XIAP: variants seen among roughly 807,000 people sequenced by gnomAD.
XIAP encodes the protein E3 ubiquitin-protein ligase XIAP.
A neutral mutation model predicts 33.1 loss-of-function variants in XIAP; 3 were observed. That is an observed-to-expected ratio of 0.09 (90% CI 0.04 to 0.23). XIAP has a LOEUF of 0.23. Ranked by LOEUF, XIAP falls within the 10% of genes least tolerant of loss-of-function variation. The pLI, the probability that XIAP is intolerant of heterozygous loss-of-function variation, is 1.00. For missense variants in XIAP, 264 were observed against 363.0 expected, an observed-to-expected ratio of 0.73 and a Z score of 2.22; for synonymous variants, 98 against 121.3, an observed-to-expected ratio of 0.81 and a Z score of 1.26.
Position 123,911,820 on chromosome X carries a change from G to A in XIAP, c.*4639G>A. The stretch of plus-strand genomic sequence containing the variant: ...AATCATTTTCAGTTTGACTCATACA[G>A]TTAACACAATGTGAATTTCTTCCTC... On this transcript the variant is annotated 3_prime_UTR_variant, in exon 7 of 7. Transcript: ENST00000371199. 1 of 329,610 alleles carries A rather than the reference G, an allele frequency of 3.0e-6. No individual in the cohort carries two copies. Among genetic ancestry groups the A allele is most frequent in the Non-Finnish European group, 5.9e-6 (1 of 170,053 alleles). 27.2% of individuals were successfully genotyped at this position (329,610 alleles called of 1,213,427 possible). A position where few individuals can be genotyped will look rare whatever the true frequency, so the allele number is the denominator to read the frequency against.
rs1292127115 is a variant in XIAP at position 123,886,408 on chromosome X, A to G, written c.746A>G (p.Asn249Ser). 38 of 1,210,155 alleles carry G rather than the reference A, an allele frequency of 3.1e-5. No homozygotes were observed. The highest frequency in any genetic ancestry group is 4.0e-5 in the Non-Finnish European group (36 of 895,429). The part of the protein sequence containing the change: ...SESDAVSSDR[N>S]FPNSTNLPRN... Reference sequence around the variant, plus strand: ...TCTGATGCTGTGAGTTCTGATAGGAATTTCCCAAATTCAACAAATCTTCCA... The same window carrying G: ...TCTGATGCTGTGAGTTCTGATAGGAGTTTCCCAAATTCAACAAATCTTCCA... Residue 249 changes from asparagine (N) to serine (S), a missense_variant, in exon 2 of 7, where the codon AAT (asparagine) becomes AGT (serine). Physicochemically the swap from Asn to Ser is conservative, Grantham distance 46 (BLOSUM62 1). Transcript: ENST00000371199.
In XIAP at chrX:123,901,773, C is replaced by T. The variant is rs147883205; in HGVS notation, c.1300+1080C>T. On this transcript the variant is annotated intron_variant, in intron 6 of 6. Transcript: ENST00000371199. ...TGCATTTATTTAAAACTTACACAAG[C>T]TCCACTTATCTTGGTGGTGGTAAAA... Among the ~76,000 whole-genome samples, 260 of 111,184 alleles carry T rather than the reference C, an allele frequency of 2.3e-3. 2 individuals are homozygous for T. The highest frequency in any genetic ancestry group is 8.1e-3 in the African/African-American group (248 of 30,675).
chrX:123,885,192 ATTT>A (rs2053340849), intron 1 of XIAP, among the ~76,000 whole-genome samples: 1 of 111,913 alleles, frequency 8.9e-6, no homozygotes, highest in Non-Finnish European at 1.9e-5. Flanking sequence ...CATTCTGAAC[ATTT>A]TTTAACTTGT....
Position 123,911,627 on chromosome X carries a change from A to G in XIAP, c.*4446A>G, listed in dbSNP as rs1351217844. ...CATGAATTTGAGGCAGCAGTGAGCT[A>G]TGATTGTGCCACTGTACTCCAGTCT... On this transcript the variant is annotated 3_prime_UTR_variant, in exon 7 of 7. Transcript: ENST00000371199. The G allele has an allele frequency of 6.2e-6, 2 of 323,504 alleles. No homozygotes were observed. Among genetic ancestry groups the G allele is most frequent in the Non-Finnish European group, 1.2e-5 (2 of 167,633 alleles). 26.7% of individuals were successfully genotyped at this position (323,504 alleles called of 1,213,427 possible).
chrX:123,904,584 CT>C (rs2053543721), intron 6 of XIAP, among the ~76,000 whole-genome samples: 1 of 109,278 alleles, frequency 9.2e-6, no homozygotes, highest in South Asian at 4.2e-4. Context: ...TTCTTATCTA[CT>C]CCTGGTGCTG....
intron 1 of XIAP, among the ~76,000 whole-genome samples, chrX:123,862,040 AAAG>A (rs1472644306): frequency 3.6e-5 from 4 of 111,781 alleles, no homozygotes; most frequent in Non-Finnish European, 5.6e-5. Flanking sequence ...CGAACAATTC[AAAG>A]AAGATTAGCA....
At chrX:123,897,295 G>A (rs1483574128) in intron 5 of XIAP, among the ~76,000 whole-genome samples, 1 of 111,774 alleles carries the variant, frequency 8.9e-6, no homozygotes, top group Non-Finnish European at 1.9e-5. Context: ...TGCTTTTAAT[G>A]TCATATTTAA....
At chrX:123,867,671 CTT>C (rs747177182) in intron 1 of XIAP, among the ~76,000 whole-genome samples, 23 of 66,912 alleles carry the variant, frequency 3.4e-4, no homozygotes, top group African/African-American at 1.5e-3. Context: ...CGTACCTGGC[CTT>C]TTTTTTTTTT....
At chrX:123,892,460 A>G (rs1392948656) in intron 4 of XIAP, among the ~76,000 whole-genome samples, 3 of 111,439 alleles carry the variant, frequency 2.7e-5, no homozygotes, top group African/African-American at 9.8e-5. Flanking sequence ...CTGGACTAAA[A>G]TGGGAGACTA....
chrX:123,894,433 C>T (rs758385449), intron 5 of XIAP, among the ~76,000 whole-genome samples: 1 of 112,231 alleles, frequency 8.9e-6, no homozygotes, highest in Admixed American at 9.5e-5. Context: ...TCTAGTGATT[C>T]CCCACTTCCT....
At chrX:123,873,506 C>T (rs1005966614) in intron 1 of XIAP, among the ~76,000 whole-genome samples, 3 of 107,918 alleles carry the variant, frequency 2.8e-5, no homozygotes, top group African/African-American at 6.7e-5. Flanking sequence ...ACCTGATGAT[C>T]GCCAGGCACG....
intron 5 of XIAP, among the ~76,000 whole-genome samples, chrX:123,898,932 A>G (rs1264011560): frequency 9.7e-6 from 1 of 103,434 alleles, no homozygotes; most frequent in Non-Finnish European, 2.0e-5. Context: ...CAGCCTGGCC[A>G]ATATAGTGAA....
At chrX:123,900,410 A>T in intron 5 of XIAP, 83 bp from the exon 6 acceptor site, 2 of 850,132 alleles carry the variant, frequency 2.4e-6, no homozygotes, top group South Asian at 2.3e-5. Flanking sequence ...TTTTCATTTT[A>T]ACTATATTTT....
At chrX:123,899,010 A>G (rs2053485428) in intron 5 of XIAP, among the ~76,000 whole-genome samples, 1 of 98,344 alleles carries the variant, frequency 1.0e-5, no homozygotes, top group Non-Finnish European at 2.0e-5. Flanking sequence ...AATCCCAGCT[A>G]CTCGAGAGGC....
In XIAP at chrX:123,860,233, G is replaced by C. The variant is rs1008712712; in HGVS notation, c.-93G>C. ...GGGGCTCGGGCCGCGCCTCCTCCGG[G>C]ACCCTCCCCTTGGACCGAGCCGATC... On this transcript the variant is annotated 5_prime_UTR_variant, in exon 1 of 7. Coordinates refer to ENST00000371199, the MANE Select transcript of XIAP (RefSeq NM_001167.4). The C allele has an allele frequency of 4.9e-5, 16 of 328,787 alleles. No individual in the cohort carries two copies. Among genetic ancestry groups the C allele is most frequent in the African/African-American group, 4.2e-4 (16 of 38,038 alleles). The allele number at this position is 328,787 out of a possible 1,213,427, so 27.1% of individuals were successfully genotyped here.
At chrX:123,902,891 C>G (rs1450718184) in intron 6 of XIAP, among the ~76,000 whole-genome samples, 1 of 111,125 alleles carries the variant, frequency 9.0e-6, no homozygotes, top group Admixed American at 9.7e-5. Context: ...AGTTATCTAG[C>G]CTTTATTGCT....
rs2053564050 is a variant in XIAP at position 123,907,489 on chromosome X, G to A, written c.*308G>A. On this transcript the variant is annotated 3_prime_UTR_variant, in exon 7 of 7. Coordinates refer to ENST00000371199, the MANE Select transcript of XIAP (RefSeq NM_001167.4). ...ATACTGATTTAATTTCTAAGTGTAA[G>A]TGAATTAATCATCTGGATTTTTTAT... The A allele has an allele frequency of 5.1e-6, 2 of 392,438 alleles. No homozygotes were observed. The highest frequency in any genetic ancestry group is 5.8e-5 in the South Asian group (2 of 34,343). 32.3% of individuals were successfully genotyped at this position (392,438 alleles called of 1,213,427 possible).
intron 1 of XIAP, among the ~76,000 whole-genome samples, chrX:123,862,015 A>G (rs1490731780): frequency 2.7e-5 from 3 of 112,392 alleles, no homozygotes; most frequent in Non-Finnish European, 5.6e-5. Flanking sequence ...CAGTGGTAGC[A>G]CATATACTAA....
In XIAP at chrX:123,886,472, T is replaced by C; in HGVS notation, c.810T>C (p.Phe270=). The change falls in exon 2 of 7, where the codon TTT becomes TTC. Residue 270 remains phenylalanine (F), a synonymous_variant. Transcript: ENST00000371199. ...TGGCAGATTATGAAGCACGGATCTT[T>C]ACTTTTGGGACATGGATATACTCAG... ...PSMADYEARI[F]TFGTWIYSVN... 8.3e-7 allele frequency: 1 copy of C among 1,208,487 alleles called. No homozygotes were observed. The highest frequency in any genetic ancestry group is 1.1e-6 in the Non-Finnish European group (1 of 895,588).
Sources: allele counts gnomAD v4.1 joint callset (sites outside exome capture counted in the v4.1 genomes callset), GRCh38; gene constraint gnomAD v4.1.1; transcripts MANE v1.5; gene names NCBI Gene and HGNC (gene_info 2026-07-23, HGNC 2026-07-21).